SPATA7: variants seen among roughly 807,000 people sequenced by gnomAD.
SPATA7 encodes spermatogenesis associated 7.
SPATA7 carries 43 observed loss-of-function variants against 51.8 expected under a neutral mutation model. The ratio of observed to expected loss-of-function variants is 0.83; its 90% CI spans 0.65 to 1.07. The LOEUF (loss-of-function observed/expected upper bound fraction) is 1.07. Ranked by LOEUF, SPATA7 falls within the 50% of genes least tolerant of loss-of-function variation. The probability of loss-of-function intolerance (pLI) is 0.00; values close to 1 mark genes in which losing one functional copy is unlikely to be tolerated. For synonymous variants in SPATA7, 230 were observed against 252.8 expected, an observed-to-expected ratio of 0.91 and a Z score of 0.86; for missense variants, 683 against 701.3, an observed-to-expected ratio of 0.97 and a Z score of 0.30.
downstream of SPATA7, among the ~76,000 whole-genome samples, chr14:88,442,552 G>A (rs760297759): frequency 6.6e-6 from 1 of 152,086 alleles, no homozygotes; most frequent in Non-Finnish European, 1.5e-5. Context: ...ATGATCATGT[G>A]ATTTTTGTTT....
At chr14:88,399,829 T>G (rs2076008989) in intron 4 of SPATA7, among the ~76,000 whole-genome samples, 1 of 152,204 alleles carries the variant, frequency 6.6e-6, no homozygotes, top group Non-Finnish European at 1.5e-5. Flanking sequence ...CTCCTAAATA[T>G]ATCATGCAAT....
chr14:88,463,780 ACTCT>A (rs577800832), intron 4 of SPATA7, among the ~76,000 whole-genome samples: 118 of 151,780 alleles, frequency 7.8e-4, no homozygotes, highest in Middle Eastern at 3.4e-3. Context: ...GTTTTCTAAA[ACTCT>A]CTCTACCCAA....
At chr14:88,451,083 A>G (rs895901903) in intron 3 of SPATA7, among the ~76,000 whole-genome samples, 7 of 152,242 alleles carry the variant, frequency 4.6e-5, no homozygotes, top group African/African-American at 1.2e-4. Context: ...CATTTGTTCA[A>G]TTCTATTGCT....
rs1464331255 is a variant in SPATA7, at chr14:88,438,205, C to G, written c.1583C>G (p.Ser528Ter). The G allele has an allele frequency of 1.2e-6, 2 of 1,613,766 alleles. No homozygotes were observed. Among genetic ancestry groups the G allele is most frequent in the Non-Finnish European group, 1.7e-6 (2 of 1,179,966 alleles). The change falls in exon 12 of 12, where the codon TCA (serine) becomes TGA (stop). Residue 528 changes from serine to a stop codon, truncating the protein, a stop_gained. Coordinates refer to ENST00000393545, the MANE Select transcript of SPATA7 (RefSeq NM_018418.5). LOFTEE classifies it low-confidence loss of function (END_TRUNC). ...STLDENHPSISDSLTDRETSV... is the reference protein window; with the variant it reads ...STLDENHPSI ...TTGGATGAAAATCATCCAAGTATTTCAGACAGTTTAACAGATCGGGAAACT... is the reference window on the plus strand; with the variant it reads ...TTGGATGAAAATCATCCAAGTATTTGAGACAGTTTAACAGATCGGGAAACT...
rs540800644 is a variant in SPATA7, at chr14:88,464,975, A to C, written c.255-4872A>C. On this transcript the variant is annotated intron_variant, in intron 4 of 4. Transcript: ENST00000556406. ...CATGCTGTCGCCACTCAGTCCCACA[A>C]CACCACACTCTCCTCCCTCCTCCTC... Among the ~76,000 whole-genome samples the C allele has an allele frequency of 5.3e-5, 8 of 152,228 alleles. No individual in the cohort carries two copies. In the South Asian group the frequency reaches 8.3e-4, roughly 16 times the overall value.
intron 4 of SPATA7, among the ~76,000 whole-genome samples, chr14:88,460,328 C>T (rs1423555953): frequency 6.6e-6 from 1 of 152,184 alleles, no homozygotes; most frequent in African/African-American, 2.4e-5. Flanking sequence ...CCATTCTCCC[C>T]ATCACTTTCA....
intron 2 of SPATA7, among the ~76,000 whole-genome samples, chr14:88,392,714 C>T (rs943129400): frequency 6.6e-6 from 1 of 151,990 alleles, no homozygotes; most frequent in Non-Finnish European, 1.5e-5. Context: ...AACCACATTG[C>T]GTGTATTACT....
chr14:88,395,198 A>G (rs1359961477), intron 3 of SPATA7, among the ~76,000 whole-genome samples: 1 of 152,146 alleles, frequency 6.6e-6, no homozygotes, highest in African/African-American at 2.4e-5. Context: ...AAACCGTGGT[A>G]TAGTTATCAA....
At position 88,469,383 on chromosome 14, in the gene SPATA7, C is replaced by T; in HGVS notation, c.255-464C>T. 3.1e-6 allele frequency: 3 copies of T among 961,634 alleles called. No homozygotes were observed. The highest frequency in any genetic ancestry group is 2.6e-5 in the East Asian group (1 of 38,662). 59.6% of individuals were successfully genotyped at this position (961,634 alleles called of 1,614,324 possible). On this transcript the variant is annotated intron_variant, in intron 4 of 4. Coordinates refer to the SPATA7 transcript ENST00000556406. The surrounding 1 kb of genome is among the most constrained non-coding windows in gnomAD (Gnocchi z 4.3). Reference sequence around the variant, plus strand: ...AACACTTGTATTCTTTATGTTAAAACAAGTCCGAAGCTTATATGAGATAAC... The same window carrying T: ...AACACTTGTATTCTTTATGTTAAAATAAGTCCGAAGCTTATATGAGATAAC...
rs371980216 is a variant in SPATA7 at position 88,391,401 on chromosome 14, C to G, written c.40C>G (p.Pro14Ala). 1.1e-5 allele frequency: 18 copies of G among 1,613,138 alleles called. No individual in the cohort carries two copies. The highest frequency in any genetic ancestry group is 1.4e-5 in the Non-Finnish European group (17 of 1,179,622). The change falls in exon 2 of 12, where the codon CCC (proline) becomes GCC (alanine). Residue 14 changes from proline to alanine, a missense_variant. Pro to Ala is a conservative substitution (Grantham distance 27). Transcript: ENST00000393545. ...SRRVRATSVLPRYGPPCLFKG... is the reference protein window; with the variant it reads ...SRRVRATSVLARYGPPCLFKG... ...AAAAGTCAGAGCAACCTCTGTCCTT[C>G]CCAGATATGGTCCACCGTGCCTATT...
At chr14:88,405,612 C>T (rs2076180384) in intron 4 of SPATA7, among the ~76,000 whole-genome samples, 1 of 152,192 alleles carries the variant, frequency 6.6e-6, no homozygotes, top group Admixed American at 6.5e-5. Context: ...TCAAAAATGA[C>T]TTCCAAGACT....
intron 4 of SPATA7, among the ~76,000 whole-genome samples, chr14:88,398,860 G>C (rs879480034): frequency 1.9e-4 from 29 of 151,834 alleles, no homozygotes; most frequent in Non-Finnish European, 3.7e-4. Flanking sequence ...AGACTATCCT[G>C]GCTAACACGG....
Position 88,444,717 on chromosome 14 carries a change from C to A in SPATA7, c.177+6814C>A, listed in dbSNP as rs924142480. On this transcript the variant is annotated intron_variant, in intron 3 of 3. Transcript: ENST00000554802. ...TTTCTACATATGGCTAGCCAGTTTT[C>A]CCAGCACCATTTATTAAATAGGGAA... Among the ~76,000 whole-genome samples, 3 of 152,252 alleles carry A rather than the reference C, an allele frequency of 2.0e-5. No homozygotes were observed. The South Asian group carries it at 6.2e-4, about 32-fold the overall frequency.
intron 1 of SPATA7, among the ~76,000 whole-genome samples, chr14:88,390,345 C>T (rs956148409): frequency 6.6e-6 from 1 of 151,860 alleles, no homozygotes; most frequent in Non-Finnish European, 1.5e-5. Context: ...ATGATGTCAC[C>T]AAGAAATCGC....
chr14:88,461,823 G>A (rs966004720), intron 4 of SPATA7, among the ~76,000 whole-genome samples: 1 of 152,134 alleles, frequency 6.6e-6, no homozygotes, highest in African/African-American at 2.4e-5. Flanking sequence ...GTAGACTGGA[G>A]CTGTTCCTAT....
chr14:88,461,803 G>T (rs1002659263), intron 4 of SPATA7, among the ~76,000 whole-genome samples: 1 of 152,160 alleles, frequency 6.6e-6, no homozygotes, highest in African/African-American at 2.4e-5. Context: ...CGTCACTCGC[G>T]CTGGGAGCTG....
At position 88,401,666 on chromosome 14, in the gene SPATA7, T is replaced by C. The variant is rs116002222; in HGVS notation, c.238+5463T>C. On this transcript the variant is annotated intron_variant, in intron 4 of 11. Coordinates refer to ENST00000393545, the MANE Select transcript of SPATA7 (RefSeq NM_018418.5). ...GGGCAACATAGTAAGACCATGCCTCTACAAAATAAAAAAACTAAAAATTAA... is the reference window on the plus strand; with the variant it reads ...GGGCAACATAGTAAGACCATGCCTCCACAAAATAAAAAAACTAAAAATTAA... 8.3e-3 allele frequency among the ~76,000 whole-genome samples: 1,254 copies of C among 151,544 alleles called. 17 individuals are homozygous for C. Among genetic ancestry groups the C allele is most frequent in the African/African-American group, 0.028 (1,162 of 41,352 alleles).
At chr14:88,459,725 A>G (rs910794074), downstream of SPATA7, among the ~76,000 whole-genome samples, 2 of 152,158 alleles carry the variant, frequency 1.3e-5, no homozygotes, top group African/African-American at 4.8e-5. Context: ...TTTAAGGTTA[A>G]TATTGTTATG....
chr14:88,427,784 G>A, intron 7 of SPATA7, 88 bp downstream of exon 7: 7 of 980,070 alleles, frequency 7.1e-6, no homozygotes, highest in East Asian at 2.5e-5. Context: ...TTTAGACTGT[G>A]AAGAATAATC....
Sources: gnomAD v4.1 joint callset for allele counts (sites outside exome capture counted in the v4.1 genomes callset) on GRCh38, gnomAD v4.1.1 for gene constraint, Gnocchi (gnomAD v3.1) non-coding constraint, MANE v1.5 for transcripts, NCBI Gene and HGNC (gene_info 2026-07-23, HGNC 2026-07-21) for gene names.